LINGO2: variants seen among roughly 807,000 people sequenced by gnomAD.
LINGO2 encodes leucine-rich repeat and immunoglobulin-like domain-containing nogo receptor-interacting protein 2.
In LINGO2, 14 loss-of-function variants were observed where a neutral mutation model predicts 30.6. The ratio of observed to expected loss-of-function variants is 0.46; its 90% CI spans 0.30 to 0.72. The LOEUF is 0.72. Ranked by LOEUF, LINGO2 falls within the 30% of genes least tolerant of loss-of-function variation. The pLI, the probability that LINGO2 is intolerant of heterozygous loss-of-function variation, is 0.07. For synonymous variants in LINGO2, 317 were observed against 288.5 expected (o/e 1.10, Z -1.00); for missense variants, 729 against 751.7 (o/e 0.97, Z 0.35).
intron 1 of LINGO2, among the ~76,000 whole-genome samples, chr9:28,594,374 A>G (rs958257034): frequency 4.6e-5 from 7 of 152,100 alleles, no homozygotes; most frequent in Admixed American, 2.0e-4. Flanking sequence ...AAAATTATCA[A>G]CGTGGTTCAT....
At chr9:29,095,633 T>C in the LINGO2 span, among the ~76,000 whole-genome samples, 6 of 138,492 alleles carry the variant, frequency 4.3e-5, no homozygotes, top group Non-Finnish European at 1.6e-5. Context: ...CCTAGTATAA[T>C]TGAGGCTTCT....
chr9:27,989,713 C>T (rs143506113), intron 5 of LINGO2, among the ~76,000 whole-genome samples: 4 of 152,136 alleles, frequency 2.6e-5, no homozygotes, highest in East Asian at 1.9e-4. Flanking sequence ...GTGCTACACA[C>T]TTTAACGCAT....
chr9:28,243,695 A>G (rs1821892012), intron 4 of LINGO2, among the ~76,000 whole-genome samples: 1 of 152,162 alleles, frequency 6.6e-6, no homozygotes, highest in African/African-American at 2.4e-5. Context: ...CAGACTTTAA[A>G]CCAAAAAAGA....
chr9:28,126,252 CT>C (rs1472617156), intron 4 of LINGO2, among the ~76,000 whole-genome samples: 3 of 152,062 alleles, frequency 2.0e-5, no homozygotes, highest in Admixed American at 1.3e-4. Flanking sequence ...ATTTTATAGG[CT>C]TTGGCTACTA....
the LINGO2 span, among the ~76,000 whole-genome samples, chr9:28,848,288 C>CAT: frequency 2.0e-3 from 199 of 99,220 alleles, 3 homozygotes; most frequent in East Asian, 0.034. Flanking sequence ...ATACACTATG[C>CAT]ATATATATAT....
At chr9:28,723,959 T>A in the LINGO2 span, among the ~76,000 whole-genome samples, 1 of 152,166 alleles carries the variant, frequency 6.6e-6, no homozygotes, top group Non-Finnish European at 1.5e-5. Flanking sequence ...TTCTTTTTTT[T>A]CCCAGTGACA....
chr9:28,178,456 A>G lies in LINGO2; in HGVS notation c.-87+116752T>C, dbSNP rs1472095987. On this transcript the variant is annotated intron_variant, in intron 4 of 5. Transcript: ENST00000379992. ...CTTTCTAAGTGTTAAATATGGTTAA[A>G]AAAAAAGTCAGTTAATTTAGACACC... Among the ~76,000 whole-genome samples the G allele has an allele frequency of 2.0e-5, 3 of 152,286 alleles. No homozygotes were observed. The East Asian group carries it at 5.8e-4, about 29-fold the overall frequency.
At chr9:29,110,832 A>G in the LINGO2 span, among the ~76,000 whole-genome samples, 1 of 151,876 alleles carries the variant, frequency 6.6e-6, no homozygotes, top group African/African-American at 2.4e-5. Context: ...TTGGGACTAC[A>G]GGCGCTCGCC....
chr9:28,104,521 A>G (rs1023721958), intron 4 of LINGO2, among the ~76,000 whole-genome samples: 1 of 151,798 alleles, frequency 6.6e-6, no homozygotes, highest in African/African-American at 2.4e-5. Flanking sequence ...ACCTCCCAAT[A>G]TAGAGCACAC....
At chr9:29,046,573 C>A in the LINGO2 span, among the ~76,000 whole-genome samples, 3 of 152,198 alleles carry the variant, frequency 2.0e-5, no homozygotes, top group South Asian at 6.2e-4. Context: ...CCCTTTCTTA[C>A]ACCAAACACA....
the LINGO2 span, among the ~76,000 whole-genome samples, chr9:29,105,103 C>T: frequency 6.6e-6 from 1 of 152,138 alleles, no homozygotes; most frequent in East Asian, 1.9e-4. Flanking sequence ...ACAAATGCAG[C>T]TAAGCAGGGA....
intron 4 of LINGO2, among the ~76,000 whole-genome samples, chr9:28,241,699 C>T (rs190551190): frequency 1.9e-3 from 296 of 152,232 alleles, no homozygotes; most frequent in Non-Finnish European, 3.3e-3. Context: ...GGTTGTCAGA[C>T]ATCTTATATA....
At chr9:28,535,088 G>A (rs928263080) in intron 1 of LINGO2, among the ~76,000 whole-genome samples, 10 of 152,204 alleles carry the variant, frequency 6.6e-5, no homozygotes, top group African/African-American at 2.2e-4. Context: ...AAGTATTAGG[G>A]ATGGGTTCAT....
rs919447139 is a variant in LINGO2 at position 28,243,432 on chromosome 9, C to A, written c.-87+51776G>T. ...CCAAGATCGTGCTACTGCCTTCCAG[C>A]CTGTGCGACGGAGAAAGACTCTCTC... On this transcript the variant is annotated intron_variant, in intron 4 of 5. Transcript: ENST00000379992. Among the ~76,000 whole-genome samples, 4 of 147,538 alleles carry A rather than the reference C, an allele frequency of 2.7e-5. No homozygotes were observed. The Admixed American group carries it at 2.8e-4, about 10-fold the overall frequency.
At chr9:28,673,706 A>C (rs113147944), upstream of LINGO2, among the ~76,000 whole-genome samples, 46 of 117,444 alleles carry the variant, frequency 3.9e-4, no homozygotes, top group African/African-American at 1.3e-3. Flanking sequence ...TCATCATCAT[A>C]AATATTGTTC....
chr9:28,963,553 C>CACAA, the LINGO2 span, among the ~76,000 whole-genome samples: 1 of 150,944 alleles, frequency 6.6e-6, no homozygotes. Context: ...TACACACACA[C>CACAA]ACACACACAC....
chr9:28,648,189 T>C lies in LINGO2; in HGVS notation c.-365+22011A>G, dbSNP rs561115347. Among the ~76,000 whole-genome samples the C allele has an allele frequency of 2.0e-5, 3 of 152,258 alleles. 1 individual carries two copies. The highest frequency in any genetic ancestry group is 7.2e-5 in the African/African-American group (3 of 41,570). ...TATGAGATGGCAAATAAACTTTACA[T>C]AAATTTAGTTCAGGTGATGCTTTGC... On this transcript the variant is annotated intron_variant, in intron 1 of 5. Transcript: ENST00000379992.
chr9:28,047,687 A>G (rs971990205), intron 4 of LINGO2, among the ~76,000 whole-genome samples: 2 of 150,870 alleles, frequency 1.3e-5, no homozygotes, highest in African/African-American at 4.9e-5. Flanking sequence ...ATAACCTGAG[A>G]TAACATAATT....
chr9:28,577,756 C>T (rs1252322691), intron 1 of LINGO2, among the ~76,000 whole-genome samples: 1 of 152,154 alleles, frequency 6.6e-6, no homozygotes, highest in Non-Finnish European at 1.5e-5. Flanking sequence ...GCATTCATTT[C>T]TTCAAAGTGA....
Sources: gnomAD v4.1 joint callset for allele counts (sites outside exome capture counted in the v4.1 genomes callset) on GRCh38, gnomAD v4.1.1 for gene constraint, MANE v1.5 for transcripts, NCBI Gene and HGNC (gene_info 2026-07-23, HGNC 2026-07-21) for gene names.